GPC6: variants seen among roughly 807,000 people sequenced by gnomAD.
GPC6 encodes the protein glypican-6.
A neutral mutation model predicts 55.2 loss-of-function variants in GPC6; 14 were observed. The observed-to-expected ratio is 0.25, with a 90% confidence interval of 0.17 to 0.40. The LOEUF (loss-of-function observed/expected upper bound fraction) is 0.40, where lower values mean the gene tolerates loss of function less well. Ranked by LOEUF, GPC6 falls within the 10% of genes least tolerant of loss-of-function variation. The pLI is 1.00. For synonymous variants in GPC6, 278 were observed against 259.6 expected (o/e 1.07, Z -0.68); for missense variants, 641 against 708.5 (o/e 0.90, Z 1.08).
At chr13:93,553,291 C>T (rs1366127393) in intron 2 of GPC6, among the ~76,000 whole-genome samples, 3 of 152,034 alleles carry the variant, frequency 2.0e-5, no homozygotes, top group Non-Finnish European at 2.9e-5. Flanking sequence ...AAGAACAGCA[C>T]TTGTATGCTT....
intron 1 of GPC6, among the ~76,000 whole-genome samples, chr13:93,472,280 A>G (rs1879147222): frequency 6.6e-6 from 1 of 152,118 alleles, no homozygotes; most frequent in African/African-American, 2.4e-5. Context: ...GCATTTTCCT[A>G]GGGCCCACAG....
chr13:93,601,260 T>C (rs1389056000), intron 2 of GPC6, among the ~76,000 whole-genome samples: 2 of 151,920 alleles, frequency 1.3e-5, no homozygotes, highest in African/African-American at 2.4e-5. Context: ...GGTGTGCACC[T>C]GAAATCCCAG....
intron 4 of GPC6, among the ~76,000 whole-genome samples, chr13:94,184,609 G>A (rs1889108838): frequency 1.3e-5 from 2 of 152,034 alleles, no homozygotes; most frequent in South Asian, 4.1e-4. Flanking sequence ...ACACCAGTCA[G>A]GAATGGCCAT....
chr13:94,158,103 T>C (rs1284711975), intron 4 of GPC6, among the ~76,000 whole-genome samples: 2 of 152,182 alleles, frequency 1.3e-5, no homozygotes, highest in Non-Finnish European at 2.9e-5. Context: ...GTAAGCCCAA[T>C]TTCCTGCCAG....
chr13:93,446,965 G>C (rs1012559859), intron 1 of GPC6, among the ~76,000 whole-genome samples: 1 of 151,546 alleles, frequency 6.6e-6, no homozygotes, highest in Non-Finnish European at 1.5e-5. Context: ...AATTTTTTTG[G>C]GGGGGTGGGT....
At chr13:93,746,357 G>A (rs1008703300) in intron 2 of GPC6, among the ~76,000 whole-genome samples, 1 of 152,022 alleles carries the variant, frequency 6.6e-6, no homozygotes, top group Non-Finnish European at 1.5e-5. Context: ...AGCTTATGTC[G>A]GAGCATACAT....
At chr13:94,236,938 T>C (rs2139020267) in intron 4 of GPC6, among the ~76,000 whole-genome samples, 1 of 151,216 alleles carries the variant, frequency 6.6e-6, no homozygotes, top group Admixed American at 6.6e-5. Flanking sequence ...GCCTCAGGCA[T>C]GTCAAAAACT....
intron 3 of GPC6, among the ~76,000 whole-genome samples, chr13:93,868,265 C>G (rs991666870): frequency 2.6e-5 from 4 of 151,716 alleles, no homozygotes; most frequent in African/African-American, 9.7e-5. Flanking sequence ...GTAATGTTAG[C>G]TAGGTTGTCT....
At chr13:93,894,123 G>GA (rs1875856137) in intron 3 of GPC6, among the ~76,000 whole-genome samples, 1 of 152,100 alleles carries the variant, frequency 6.6e-6, no homozygotes, top group Admixed American at 6.6e-5. Flanking sequence ...GTTTCTTCTG[G>GA]AAAACTAAAT....
At chr13:94,388,511 C>G (rs1336696891) in intron 7 of GPC6, among the ~76,000 whole-genome samples, 1 of 152,228 alleles carries the variant, frequency 6.6e-6, no homozygotes, top group African/African-American at 2.4e-5. Context: ...ACACAAACCT[C>G]TGGTCTTTAA....
At position 94,251,725 on chromosome 13, in the gene GPC6, C is replaced by CA. The variant is rs531977185; in HGVS notation, c.878-34619dup. 6.9e-3 allele frequency among the ~76,000 whole-genome samples: 845 copies of CA among 122,134 alleles called. 8 individuals carry two copies. The highest frequency in any genetic ancestry group is 0.038 in the Middle Eastern group (10 of 264). 80.1% of individuals were successfully genotyped at this position (122,134 alleles called of 152,430 possible). A position where few individuals can be genotyped will look rare whatever the true frequency, so the allele number is the denominator to read the frequency against. On this transcript the variant is annotated intron_variant, in intron 4 of 8. Transcript: ENST00000377047. ...GAAAGCTAAAAGGCAAAAAAAAAAA[C>CA]AAAAACAAAACAAACTGTTGCAAAA...
chr13:94,193,577 T>C (rs1889468316), intron 4 of GPC6, among the ~76,000 whole-genome samples: 1 of 152,100 alleles, frequency 6.6e-6, no homozygotes, highest in Non-Finnish European at 1.5e-5. Flanking sequence ...CATGCCAGAA[T>C]ACGAAAACAG....
At chr13:93,539,210 T>C (rs1882187679) in intron 1 of GPC6, among the ~76,000 whole-genome samples, 1 of 152,210 alleles carries the variant, frequency 6.6e-6, no homozygotes, top group African/African-American at 2.4e-5. Context: ...TGATGGACCA[T>C]TTGCTTTTGA....
At chr13:93,819,261 C>T (rs1194909022) in intron 2 of GPC6, among the ~76,000 whole-genome samples, 1 of 152,134 alleles carries the variant, frequency 6.6e-6, no homozygotes, top group Non-Finnish European at 1.5e-5. Context: ...GGTCCACATC[C>T]CAGATTTGAT....
intron 6 of GPC6, among the ~76,000 whole-genome samples, chr13:94,317,835 GTGTA>G (rs1158632398): frequency 1.3e-5 from 2 of 152,092 alleles, no homozygotes; most frequent in Non-Finnish European, 2.9e-5. Context: ...GAAGGGTATA[GTGTA>G]TGTGAGTGTG....
intron 7 of GPC6, among the ~76,000 whole-genome samples, chr13:94,385,008 G>A (rs948414398): frequency 1.3e-5 from 2 of 152,138 alleles, no homozygotes; most frequent in Non-Finnish European, 2.9e-5. Context: ...GGGAGGCCAA[G>A]GCAGGCAGAT....
intron 4 of GPC6, among the ~76,000 whole-genome samples, chr13:94,118,213 C>T (rs1219221476): frequency 6.6e-6 from 1 of 152,064 alleles, no homozygotes; most frequent in African/African-American, 2.4e-5. Flanking sequence ...ATCATAGGGG[C>T]AGTTTCCACA....
chr13:93,641,391 A>T (rs1290888072), intron 2 of GPC6, among the ~76,000 whole-genome samples: 1 of 152,110 alleles, frequency 6.6e-6, no homozygotes, highest in African/African-American at 2.4e-5. Flanking sequence ...TTCTGACTGC[A>T]GGGGTTTCAC....
intron 4 of GPC6, among the ~76,000 whole-genome samples, chr13:94,165,207 G>T (rs559831488): frequency 1.8e-4 from 27 of 147,720 alleles, no homozygotes; most frequent in African/African-American, 6.7e-4. Flanking sequence ...GTGTGTGTGT[G>T]TATATATATA....
Sources: allele counts gnomAD v4.1 joint callset (sites outside exome capture counted in the v4.1 genomes callset), GRCh38; gene constraint gnomAD v4.1.1; transcripts MANE v1.5; gene names NCBI Gene and HGNC (gene_info 2026-07-23, HGNC 2026-07-21).